Variants in ATP2A2 observed in about 807,000 individuals in gnomAD.
ATP2A2 encodes the protein sarcoplasmic/endoplasmic reticulum calcium ATPase 2.
A neutral mutation model predicts 109.3 loss-of-function variants in ATP2A2; 14 were observed. The ratio of observed to expected loss-of-function variants is 0.13; its 90% confidence interval spans 0.08 to 0.20. The LOEUF (loss-of-function observed/expected upper bound fraction) is 0.20. Among genes scored for constraint, ATP2A2 ranks in the 10% least tolerant of loss-of-function variants. ATP2A2 has a pLI of 1.00. For missense variants in ATP2A2, 657 were observed against 1,321.6 expected, an observed-to-expected ratio of 0.50 and a Z score of 7.80; for synonymous variants, 506 against 490.9, an observed-to-expected ratio of 1.03 and a Z score of -0.41.
intron 11 of ATP2A2, among the ~76,000 whole-genome samples, chr12:110,336,014 T>G (rs1364912461): frequency 6.6e-6 from 1 of 152,212 alleles, no homozygotes; most frequent in Non-Finnish European, 1.5e-5. Context: ...CACATGGTCC[T>G]CTAATAGGTC....
chr12:110,293,110 C>G (rs957759686), intron 4 of ATP2A2, among the ~76,000 whole-genome samples: 6 of 152,136 alleles, frequency 3.9e-5, no homozygotes, highest in Non-Finnish European at 4.4e-5. Context: ...GAGACCGACT[C>G]TCTGTCGCCC....
chr12:110,330,536 T>G (rs2137823930), intron 8 of ATP2A2: 1 of 152,358 alleles, frequency 6.6e-6, no homozygotes. Flanking sequence ...CCTGAAAGCT[T>G]TAATTCCTCA....
rs1879883517 is a variant in ATP2A2 at position 110,346,549 on chromosome 12, T to C, written c.*79T>C. 1 of 1,582,402 alleles carries C rather than the reference T, an allele frequency of 6.3e-7. No homozygotes were observed. Among genetic ancestry groups the C allele is most frequent in the Non-Finnish European group, 8.6e-7 (1 of 1,167,238 alleles). On this transcript the variant is annotated 3_prime_UTR_variant, in exon 20 of 20. Transcript: ENST00000539276. ...GTTTAAAGCAACTGTCTATTTCTGC[T>C]GAATTTTCACATGAACATACTGGCT...
intron 5 of ATP2A2, among the ~76,000 whole-genome samples, chr12:110,300,491 A>G (rs1874501923): frequency 6.6e-6 from 1 of 150,942 alleles, no homozygotes; most frequent in Admixed American, 6.6e-5. Flanking sequence ...AGTAGCTGTG[A>G]CTGCAGGTGC....
chr12:110,332,548 A>AT lies in ATP2A2; in HGVS notation c.1096-43dup, dbSNP rs751800054. 2.0e-6 allele frequency: 3 copies of AT among 1,473,062 alleles called. No homozygotes were observed. In the Admixed American group the frequency reaches 5.0e-5, roughly 25 times the overall value. 91.2% of individuals were successfully genotyped at this position (1,473,062 alleles called of 1,614,324 possible). A position where few individuals can be genotyped will look rare whatever the true frequency, so the allele number is the denominator to read the frequency against. On this transcript the variant is annotated intron_variant, in intron 8 of 19. Transcript: ENST00000539276. The stretch of plus-strand genomic sequence containing the variant: ...AACAAAGGTAGTTTATTTGTGTAGC[A>AT]TTTTTTAAAAATCCCTTTTAAATAC...
At chr12:110,295,343 G>C (rs564838006) in intron 4 of ATP2A2, among the ~76,000 whole-genome samples, 1 of 151,876 alleles carries the variant, frequency 6.6e-6, no homozygotes, top group East Asian at 1.9e-4. Flanking sequence ...TGCATTTTTC[G>C]TAGAGACACT....
At chr12:110,302,898 A>G (rs1030515233) in intron 5 of ATP2A2, among the ~76,000 whole-genome samples, 1 of 151,306 alleles carries the variant, frequency 6.6e-6, no homozygotes, top group Non-Finnish European at 1.5e-5. Flanking sequence ...TGCCTGGCCT[A>G]TTATTATTTT....
intron 4 of ATP2A2, among the ~76,000 whole-genome samples, chr12:110,294,278 T>C (rs897563301): frequency 9.2e-5 from 14 of 151,910 alleles, no homozygotes; most frequent in Admixed American, 9.2e-4. Context: ...CTCCTGACCT[T>C]GTGATCCGCC....
At chr12:110,314,847 A>G (rs1311711974) in intron 5 of ATP2A2, among the ~76,000 whole-genome samples, 1 of 152,078 alleles carries the variant, frequency 6.6e-6, no homozygotes, top group Non-Finnish European at 1.5e-5. Flanking sequence ...AGAGATGTCC[A>G]GAAAATCCAG....
chr12:110,310,022 T>C (rs879669129), intron 5 of ATP2A2, among the ~76,000 whole-genome samples: 5 of 152,128 alleles, frequency 3.3e-5, no homozygotes, highest in Admixed American at 1.3e-4. Context: ...AAACCAAAAG[T>C]AGTGAAGTTG....
Position 110,349,000 on chromosome 12 carries a change from G to C in ATP2A2, c.*2530G>C. The C allele has an allele frequency of 1.0e-6, 1 of 985,350 alleles. No homozygotes were observed. The highest frequency in any genetic ancestry group is 1.7e-5 in the African/African-American group (1 of 57,236). The allele number at this position is 985,350 out of a possible 1,614,324, so 61.0% of individuals were successfully genotyped here. ...CTTTACAAAAAAAGTTGAGTAGTGT[G>C]TGGCCTGCTGTCGCACAGCCCCTAG... On this transcript the variant is annotated 3_prime_UTR_variant, in exon 20 of 20. Transcript: ENST00000539276.
In ATP2A2 at chr12:110,346,273, C is replaced by T. The variant is rs759969834; in HGVS notation, c.2932C>T (p.Leu978Phe). 2 of 1,614,174 alleles carry T rather than the reference C, an allele frequency of 1.2e-6. No individual in the cohort carries two copies. The highest frequency in any genetic ancestry group is 8.5e-7 in the Non-Finnish European group (1 of 1,180,032). The change falls in exon 20 of 20, where the codon CTC (leucine) becomes TTC (phenylalanine). Residue 978 changes from leucine (L) to phenylalanine (F), a missense_variant. Leu to Phe is a conservative substitution (Grantham distance 22). This residue lies in a region of ATP2A2 where 125 missense variants were observed against 243.5 expected (regional missense o/e 0.51). Coordinates refer to ENST00000539276, the MANE Select transcript of ATP2A2 (RefSeq NM_170665.4). ...GCTGAAAATCTCCTTGCCCGTGATT[C>T]TCATGGATGAGACGCTCAAGTTTGT... Reference protein sequence around the residue: ...MVLKISLPVILMDETLKFVAR... With the variant: ...MVLKISLPVIFMDETLKFVAR...
intron 4 of ATP2A2, chr12:110,296,081 C>G (rs1873930301): frequency 6.0e-6 from 1 of 165,676 alleles, no homozygotes; most frequent in Non-Finnish European, 1.3e-5. Flanking sequence ...GGCAGCTTAG[C>G]CCAGAGTTGG....
intron 5 of ATP2A2, among the ~76,000 whole-genome samples, chr12:110,312,298 A>G (rs372532749): frequency 6.6e-6 from 1 of 152,106 alleles, no homozygotes; most frequent in South Asian, 2.1e-4. Context: ...GTTAAAATGT[A>G]TGTTTTGATT....
At chr12:110,336,436 A>G (rs957065242) in intron 11 of ATP2A2, among the ~76,000 whole-genome samples, 1 of 152,194 alleles carries the variant, frequency 6.6e-6, no homozygotes, top group Non-Finnish European at 1.5e-5. Context: ...AATAAGGGCA[A>G]ATGAGGAGGC....
intron 8 of ATP2A2, chr12:110,330,195 T>G (rs1247592421): frequency 6.6e-6 from 1 of 152,210 alleles, no homozygotes; most frequent in Non-Finnish European, 1.5e-5. Flanking sequence ...GGAAATTGTT[T>G]TATAATCAGT....
At chr12:110,320,852 C>T (rs1338701580) in intron 5 of ATP2A2, among the ~76,000 whole-genome samples, 1 of 152,168 alleles carries the variant, frequency 6.6e-6, no homozygotes, top group East Asian at 1.9e-4. Context: ...TTTTTATGCA[C>T]TCAAATTAAA....
intron 8 of ATP2A2, among the ~76,000 whole-genome samples, chr12:110,329,181 C>T (rs968482743): frequency 6.6e-6 from 1 of 152,082 alleles, no homozygotes; most frequent in South Asian, 2.1e-4. Flanking sequence ...CAGTACCTAA[C>T]GTAATATTAT....
At chr12:110,313,705 CTTT>C (rs137984643) in intron 5 of ATP2A2, among the ~76,000 whole-genome samples, 149 of 111,892 alleles carry the variant, frequency 1.3e-3, no homozygotes, top group African/African-American at 4.8e-3. Flanking sequence ...GATAATGGAA[CTTT>C]TTTTTTTTTT....
Sources: gnomAD v4.1 joint callset for allele counts (sites outside exome capture counted in the v4.1 genomes callset) on GRCh38, gnomAD v4.1.1 for gene constraint, gnomAD v4.1.1 regional missense constraint, MANE v1.5 for transcripts, NCBI Gene and HGNC (gene_info 2026-07-23, HGNC 2026-07-21) for gene names.